Variants in SHANK2 observed in about 807,000 individuals in gnomAD.
SHANK2 encodes the protein SH3 and multiple ankyrin repeat domains protein 2.
Under a neutral mutation model 133.7 loss-of-function variants are expected in SHANK2, and 43 were observed. The observed-to-expected ratio is 0.32, with a 90% CI of 0.25 to 0.41. The LOEUF (loss-of-function observed/expected upper bound fraction) is 0.41, where lower values mean the gene tolerates loss of function less well. Among genes scored for constraint, SHANK2 ranks in the 10% least tolerant of loss-of-function variants. The pLI is 1.00. For missense variants in SHANK2, 1,994 were observed against 2,235.8 expected (o/e 0.89, Z 2.18); for synonymous variants, 1,017 against 952.8 (o/e 1.07, Z -1.24).
At chr11:71,112,580 T>C (rs1951906773) in intron 5 of SHANK2, among the ~76,000 whole-genome samples, 1 of 152,080 alleles carries the variant, frequency 6.6e-6, no homozygotes, top group Non-Finnish European at 1.5e-5. Flanking sequence ...CTCCACCCCA[T>C]GCTCTGCAGG....
chr11:71,202,610 G>T (rs1278201039), intron 2 of SHANK2, among the ~76,000 whole-genome samples: 2 of 152,178 alleles, frequency 1.3e-5, no homozygotes, highest in Admixed American at 1.3e-4. Context: ...ATGTTGGCCA[G>T]AATGACCCAC....
At chr11:70,740,905 T>G (rs1406512325) in intron 14 of SHANK2, among the ~76,000 whole-genome samples, 2 of 152,150 alleles carry the variant, frequency 1.3e-5, no homozygotes, top group Non-Finnish European at 1.5e-5. Context: ...CTGCAGCCCC[T>G]GGCCAGGTGG....
At chr11:70,944,319 C>A (rs918402443) in intron 10 of SHANK2, among the ~76,000 whole-genome samples, 10 of 152,244 alleles carry the variant, frequency 6.6e-5, no homozygotes, top group African/African-American at 2.4e-4. Context: ...GCTCCACACT[C>A]ATCCCAGGCC....
At chr11:71,195,672 A>G (rs1953890443) in intron 2 of SHANK2, among the ~76,000 whole-genome samples, 1 of 152,264 alleles carries the variant, frequency 6.6e-6, no homozygotes, top group African/African-American at 2.4e-5. Flanking sequence ...TTAAAGGATC[A>G]TAAAATCAAC....
intron 11 of SHANK2, among the ~76,000 whole-genome samples, chr11:70,885,043 G>C (rs10793379): frequency 1.3e-5 from 2 of 152,088 alleles, no homozygotes; most frequent in Admixed American, 1.3e-4. Context: ...TAAATTCCAC[G>C]TGTATGTCAG....
Position 70,487,695 on chromosome 11 carries a change from A to C in SHANK2, c.2598T>G (p.Phe866Leu). The change falls in exon 25 of 26, where the codon TTT becomes TTG. Residue 866 changes from phenylalanine to leucine, a missense_variant. Transcript: ENST00000601538. The surrounding 1 kb of genome is among the most constrained non-coding windows in gnomAD (Gnocchi z 5.8). ...LSGITEEERQ[F>L]LAPPMLKFTR... ...TGAACTTCAGCATTGGAGGAGCCAG[A>C]AACTGCCGCTCTTCCTCTGTTATTC... 6.4e-7 allele frequency: 1 copy of C among 1,569,744 alleles called. No individual in the cohort carries two copies. The highest frequency in any genetic ancestry group is 8.6e-7 in the Non-Finnish European group (1 of 1,157,326).
At chr11:70,780,367 C>T (rs1390752586) in intron 14 of SHANK2, among the ~76,000 whole-genome samples, 3 of 152,078 alleles carry the variant, frequency 2.0e-5, no homozygotes, top group South Asian at 2.1e-4. Context: ...GCCAGGCATT[C>T]GATCCCCAGT....
intron 17 of SHANK2, among the ~76,000 whole-genome samples, chr11:70,658,864 C>T (rs1333764098): frequency 2.0e-5 from 3 of 152,260 alleles, no homozygotes; most frequent in African/African-American, 4.8e-5. Context: ...CACGTACCCA[C>T]CCCTTCCACC....
chr11:70,744,332 G>A (rs1449483893), intron 14 of SHANK2, among the ~76,000 whole-genome samples: 1 of 152,204 alleles, frequency 6.6e-6, no homozygotes, highest in African/African-American at 2.4e-5. Flanking sequence ...GTCACACCCT[G>A]CAGCAAGCAT....
chr11:71,086,351 ATATGT>A (rs1359954364), intron 8 of SHANK2, among the ~76,000 whole-genome samples: 61 of 125,100 alleles, frequency 4.9e-4, no homozygotes, highest in African/African-American at 1.8e-3. Flanking sequence ...AAGATATAGT[ATATGT>A]TATATTATAT....
At chr11:70,651,713 G>C (rs1344455071) in intron 17 of SHANK2, among the ~76,000 whole-genome samples, 1 of 152,196 alleles carries the variant, frequency 6.6e-6, no homozygotes, top group African/African-American at 2.4e-5. Flanking sequence ...GACAGACCCT[G>C]TTTGTCTTTG....
At chr11:70,841,627 C>T (rs1174128992) in intron 11 of SHANK2, among the ~76,000 whole-genome samples, 22 of 152,310 alleles carry the variant, frequency 1.4e-4, no homozygotes, top group African/African-American at 5.1e-4. Flanking sequence ...GACCTGGGTG[C>T]CTGCGATCAC....
chr11:70,826,550 G>A (rs781908926), intron 11 of SHANK2: 1 of 471,114 alleles, frequency 2.1e-6, no homozygotes. Context: ...TAACCTTCCT[G>A]GATGGGAGGA....
At chr11:70,595,490 T>C (rs1385082579) in intron 17 of SHANK2, among the ~76,000 whole-genome samples, 1 of 152,194 alleles carries the variant, frequency 6.6e-6, no homozygotes, top group Non-Finnish European at 1.5e-5. Context: ...TCACTCTCTC[T>C]GAAAACCACA....
chr11:70,898,641 T>C (rs868918104), intron 10 of SHANK2, among the ~76,000 whole-genome samples: 43 of 152,338 alleles, frequency 2.8e-4, no homozygotes, highest in Admixed American at 2.0e-3. Context: ...AAGAGATTTC[T>C]AAGCAAAGTG....
chr11:70,898,945 A>G (rs1209148044), intron 10 of SHANK2, among the ~76,000 whole-genome samples: 1 of 152,216 alleles, frequency 6.6e-6, no homozygotes, highest in African/African-American at 2.4e-5. Flanking sequence ...ATCGGACTTA[A>G]TGGATTTGAC....
chr11:70,619,828 T>C (rs1222517723), intron 17 of SHANK2, among the ~76,000 whole-genome samples: 1 of 152,118 alleles, frequency 6.6e-6, no homozygotes, highest in East Asian at 1.9e-4. Context: ...AGCAAGGCCC[T>C]TGGATGCTGG....
At chr11:71,173,084 A>G (rs1565494664) in intron 2 of SHANK2, among the ~76,000 whole-genome samples, 1 of 152,220 alleles carries the variant, frequency 6.6e-6, no homozygotes, top group African/African-American at 2.4e-5. Flanking sequence ...GCCTTGTTTG[A>G]TGAAGTGTCT....
intron 9 of SHANK2, among the ~76,000 whole-genome samples, chr11:71,074,195 C>T (rs1951188430): frequency 6.6e-6 from 1 of 152,168 alleles, no homozygotes; most frequent in Non-Finnish European, 1.5e-5. Context: ...TTCCCGGTGC[C>T]CCCCAGGGTC....
Sources: allele counts gnomAD v4.1 joint callset (sites outside exome capture counted in the v4.1 genomes callset), GRCh38; gene constraint gnomAD v4.1.1; non-coding constraint Gnocchi (gnomAD v3.1); transcripts MANE v1.5; gene names NCBI Gene and HGNC (gene_info 2026-07-23, HGNC 2026-07-21).